The following DCDC1 variants were observed in gnomAD, a reference collection of about 807,000 sequenced individuals.
DCDC1 encodes doublecortin domain-containing protein 1.
A neutral mutation model predicts 178.3 loss-of-function variants in DCDC1; 200 were observed. The ratio of observed to expected loss-of-function variants is 1.12; its 90% CI spans 1.00 to 1.26. DCDC1 has a LOEUF of 1.26. Among genes scored for constraint, DCDC1 ranks in the 50% most tolerant of loss-of-function variants. The pLI is 0.00. For missense variants in DCDC1, 1,983 were observed against 1,749.2 expected (o/e 1.13, Z -2.38); for synonymous variants, 690 against 604.8 (o/e 1.14, Z -2.07).
intron 20 of DCDC1, among the ~76,000 whole-genome samples, chr11:31,041,594 T>C (rs1336213571): frequency 6.6e-6 from 1 of 152,204 alleles, no homozygotes; most frequent in African/African-American, 2.4e-5. Flanking sequence ...AGGGATTTTG[T>C]CTCCCAAGTC....
At chr11:30,947,147 A>C (rs1028138459) in intron 21 of DCDC1, among the ~76,000 whole-genome samples, 1 of 152,342 alleles carries the variant, frequency 6.6e-6, no homozygotes, top group Admixed American at 6.5e-5. Flanking sequence ...AATTAATAAT[A>C]TGGAAGAAAA....
chr11:30,934,000 G>T (rs138267554), intron 21 of DCDC1, among the ~76,000 whole-genome samples: 49 of 152,268 alleles, frequency 3.2e-4, no homozygotes, highest in African/African-American at 1.1e-3. Flanking sequence ...TCCTTTTTCT[G>T]CTAGTATCAT....
chr11:31,101,044 T>C (rs541120653), intron 15 of DCDC1, among the ~76,000 whole-genome samples: 4 of 152,302 alleles, frequency 2.6e-5, no homozygotes, highest in African/African-American at 4.8e-5. Flanking sequence ...CTTGAAATAA[T>C]CAATATTTTC....
At chr11:31,126,264 C>T (rs1184684353) in intron 11 of DCDC1, among the ~76,000 whole-genome samples, 1 of 152,166 alleles carries the variant, frequency 6.6e-6, no homozygotes, top group Non-Finnish European at 1.5e-5. Context: ...ATAGCAAGTA[C>T]TTTGCAAAAT....
intron 20 of DCDC1, among the ~76,000 whole-genome samples, chr11:30,999,620 A>G (rs1951459550): frequency 6.6e-6 from 1 of 152,142 alleles, no homozygotes; most frequent in African/African-American, 2.4e-5. Context: ...ACCAAAAAGC[A>G]TGATCCCCAG....
intron 2 of DCDC1, among the ~76,000 whole-genome samples, chr11:31,328,945 CTTTTTTTTTTTTTT>C (rs1176942329): frequency 1.9e-4 from 9 of 47,800 alleles, no homozygotes; most frequent in South Asian, 7.9e-4. Context: ...CACCACAAGG[CTTTTTTTTTTTTTT>C]TTTTTTTTTT....
intron 20 of DCDC1, among the ~76,000 whole-genome samples, chr11:30,953,822 T>G (rs1948580747): frequency 6.6e-6 from 1 of 151,874 alleles, no homozygotes; most frequent in Admixed American, 6.6e-5. Flanking sequence ...AGGCAAAAAG[T>G]AGAAACAACC....
intron 18 of DCDC1, among the ~76,000 whole-genome samples, chr11:31,067,233 C>A (rs767344314): frequency 3.3e-5 from 5 of 151,848 alleles, no homozygotes; most frequent in Non-Finnish European, 7.4e-5. Flanking sequence ...ATAAAGAACT[C>A]TTATACTCAC....
At chr11:31,069,040 A>T (rs1033883333) in intron 18 of DCDC1, among the ~76,000 whole-genome samples, 1 of 151,806 alleles carries the variant, frequency 6.6e-6, no homozygotes, top group East Asian at 1.9e-4. Flanking sequence ...TTTAGTAGAG[A>T]CAGGGTTTCA....
chr11:30,912,820 T>G (rs1038104728), intron 27 of DCDC1, among the ~76,000 whole-genome samples: 1 of 152,182 alleles, frequency 6.6e-6, no homozygotes, highest in Non-Finnish European at 1.5e-5. Flanking sequence ...ATATGTAATG[T>G]ACATGGGTAT....
chr11:31,079,088 G>C (rs989995241), intron 17 of DCDC1, among the ~76,000 whole-genome samples: 6 of 152,100 alleles, frequency 3.9e-5, no homozygotes, highest in Non-Finnish European at 8.8e-5. Flanking sequence ...GGGGATTCTT[G>C]GAAGGCTCCT....
Position 31,212,587 on chromosome 11 carries a change from A to G in DCDC1, c.1221+28863T>C, listed in dbSNP as rs149237304. 5.8e-3 allele frequency among the ~76,000 whole-genome samples: 877 copies of G among 152,332 alleles called. 6 individuals are homozygous for G. The highest frequency in any genetic ancestry group is 0.02 in the African/African-American group (837 of 41,576). On this transcript the variant is annotated intron_variant, in intron 9 of 38. Coordinates refer to ENST00000684477, the MANE Select transcript of DCDC1 (RefSeq NM_001387274.1). Reference sequence around the variant, plus strand: ...CTACAGAAATATATGTAACTTCACTACTAATGAATTAACAGATTTTTCAAA... The same window carrying G: ...CTACAGAAATATATGTAACTTCACTGCTAATGAATTAACAGATTTTTCAAA...
chr11:31,059,332 C>G (rs1955788686), intron 20 of DCDC1, among the ~76,000 whole-genome samples: 1 of 151,900 alleles, frequency 6.6e-6, no homozygotes, highest in Non-Finnish European at 1.5e-5. Context: ...CCTAAACAGG[C>G]AACAGTATCA....
At chr11:31,126,039 G>T (rs1001223575) in intron 11 of DCDC1, among the ~76,000 whole-genome samples, 1 of 152,116 alleles carries the variant, frequency 6.6e-6, no homozygotes, top group African/African-American at 2.4e-5. Context: ...ATAAGTGATA[G>T]AAATTCTTCA....
At chr11:31,025,848 T>G (rs908999606) in intron 20 of DCDC1, among the ~76,000 whole-genome samples, 1 of 151,764 alleles carries the variant, frequency 6.6e-6, no homozygotes, top group Non-Finnish European at 1.5e-5. Context: ...TGAGGCCTAC[T>G]GTGTAATAAT....
intron 20 of DCDC1, among the ~76,000 whole-genome samples, chr11:31,015,196 C>G (rs1231801423): frequency 1.3e-5 from 2 of 152,128 alleles, no homozygotes; most frequent in Non-Finnish European, 2.9e-5. Context: ...GATCCACCAG[C>G]CTCGGCCTCC....
At chr11:31,235,448 A>G (rs1976334746) in intron 9 of DCDC1, among the ~76,000 whole-genome samples, 1 of 151,982 alleles carries the variant, frequency 6.6e-6, no homozygotes, top group Non-Finnish European at 1.5e-5. Context: ...CTGTATCCAT[A>G]TTAAGTTTAC....
chr11:30,919,018 T>C (rs971504597), intron 25 of DCDC1, among the ~76,000 whole-genome samples: 1 of 152,056 alleles, frequency 6.6e-6, no homozygotes, highest in Non-Finnish European at 1.5e-5. Flanking sequence ...ATTTTTCAAA[T>C]ATGCAAAAAA....
chr11:31,059,942 T>C (rs577892390), intron 20 of DCDC1, among the ~76,000 whole-genome samples: 2 of 152,032 alleles, frequency 1.3e-5, no homozygotes, highest in Admixed American at 1.3e-4. Flanking sequence ...GCTTAAAGAG[T>C]TTCTCATTGC....
Sources: gnomAD v4.1 joint callset for allele counts (sites outside exome capture counted in the v4.1 genomes callset) on GRCh38, gnomAD v4.1.1 for gene constraint, MANE v1.5 for transcripts, NCBI Gene and HGNC (gene_info 2026-07-23, HGNC 2026-07-21) for gene names.